The following PLXNA2 variants were observed in gnomAD, a reference collection of about 807,000 sequenced individuals.
The protein encoded by PLXNA2 is plexin-A2.
A neutral mutation model predicts 193.5 loss-of-function variants in PLXNA2; 91 were observed. The observed-to-expected ratio is 0.47, with a 90% CI of 0.40 to 0.56. The LOEUF (loss-of-function observed/expected upper bound fraction) is 0.56. Ranked by LOEUF, PLXNA2 falls within the 20% of genes least tolerant of loss-of-function variation. PLXNA2 has a pLI of 0.00. For missense variants in PLXNA2, 1,995 were observed against 2,503.2 expected (o/e 0.80, Z 4.33); for synonymous variants, 997 against 1,027.3 (o/e 0.97, Z 0.56).
At chr1:208,214,238 C>T (rs1038961694) in intron 2 of PLXNA2, among the ~76,000 whole-genome samples, 1 of 152,056 alleles carries the variant, frequency 6.6e-6, no homozygotes, top group Non-Finnish European at 1.5e-5. Flanking sequence ...ATAATCATAG[C>T]GGCCCATTTA....
chr1:208,220,518 C>T (rs1019309702), intron 1 of PLXNA2, among the ~76,000 whole-genome samples: 3 of 151,970 alleles, frequency 2.0e-5, no homozygotes, highest in South Asian at 2.1e-4. Flanking sequence ...TTGAGACCTC[C>T]GCCTCCCTGG....
intron 26 of PLXNA2, among the ~76,000 whole-genome samples, chr1:208,037,552 G>A (rs1664710384): frequency 6.6e-6 from 1 of 152,054 alleles, no homozygotes; most frequent in South Asian, 2.1e-4. Context: ...TCCTCTAGTT[G>A]GTTTAATTTC....
At chr1:208,137,529 G>A (rs564543184) in intron 4 of PLXNA2, among the ~76,000 whole-genome samples, 18 of 152,280 alleles carry the variant, frequency 1.2e-4, no homozygotes, top group African/African-American at 4.3e-4. Flanking sequence ...GGATATGGGA[G>A]CAACTTGTAT....
At chr1:208,133,264 A>G (rs942024877) in intron 4 of PLXNA2, among the ~76,000 whole-genome samples, 1 of 152,232 alleles carries the variant, frequency 6.6e-6, no homozygotes, top group Admixed American at 6.5e-5. Context: ...TCTCTTCTAC[A>G]GCATTGCTCT....
intron 12 of PLXNA2, among the ~76,000 whole-genome samples, chr1:208,071,296 G>T (rs1179358600): frequency 6.6e-6 from 1 of 152,210 alleles, no homozygotes; most frequent in Admixed American, 6.5e-5. Flanking sequence ...GGAGGGTTCT[G>T]CCCTGAGGAG....
At chr1:208,178,320 A>C (rs1669727371) in intron 3 of PLXNA2, among the ~76,000 whole-genome samples, 1 of 152,212 alleles carries the variant, frequency 6.6e-6, no homozygotes, top group Non-Finnish European at 1.5e-5. Flanking sequence ...GACAGTGTGC[A>C]CAGGGACATT....
rs1425610145 is a variant in PLXNA2 at position 208,028,917 on chromosome 1, G to A, written c.5351C>T (p.Thr1784Met). 1.1e-5 allele frequency: 17 copies of A among 1,614,050 alleles called. No individual in the cohort carries two copies. Among genetic ancestry groups the A allele is most frequent in the Admixed American group, 3.3e-5 (2 of 59,996 alleles). Residue 1784 changes from threonine (T) to methionine (M), a missense_variant, in exon 30 of 32, where the codon ACG (threonine) becomes ATG (methionine). By Grantham distance (81) the Thr-to-Met change is moderately conservative. Around this residue, in one of 3 missense-constraint regions of PLXNA2, gnomAD observed 1,291 missense variants for 1,673.6 expected, o/e 0.77. Coordinates refer to ENST00000367033, the MANE Select transcript of PLXNA2 (RefSeq NM_025179.4). This position sits in a 1 kb window ranked among gnomAD's most constrained non-coding sequence, Gnocchi z 4.2. ...VAQTFMDSCSTSEHRLGKDSP... is the reference protein window; with the variant it reads ...VAQTFMDSCSMSEHRLGKDSP... ...GTCCTTGCCCAGCCGGTGCTCTGAC[G>A]TTGAACAAGAGTCCATGAAGGTCTG...
chr1:208,052,251 G>T, intron 15 of PLXNA2, 76 bp downstream of exon 15: 2 of 1,458,118 alleles, frequency 1.4e-6, no homozygotes, highest in South Asian at 1.2e-5. Flanking sequence ...GCCTATGAAT[G>T]AACATGCACA....
intron 4 of PLXNA2, among the ~76,000 whole-genome samples, chr1:208,120,768 A>G (rs777409020): frequency 2.6e-5 from 4 of 152,204 alleles, no homozygotes; most frequent in South Asian, 4.1e-4. Context: ...ACTCAGAGAC[A>G]GAATGTTTTT....
chr1:208,190,003 G>A (rs1572014060), intron 3 of PLXNA2, among the ~76,000 whole-genome samples: 1 of 152,160 alleles, frequency 6.6e-6, no homozygotes, highest in African/African-American at 2.4e-5. Context: ...ATTTTGGGGT[G>A]GGGGAAGGAG....
chr1:208,031,837 G>A, intron 28 of PLXNA2, 78 bp from the exon 29 acceptor site: 1 of 1,338,856 alleles, frequency 7.5e-7, no homozygotes, highest in Non-Finnish European at 1.0e-6. Context: ...TGGTGCCTTG[G>A]ACCCATCCTG....
intron 4 of PLXNA2, among the ~76,000 whole-genome samples, chr1:208,119,351 G>A (rs1005039934): frequency 5.3e-5 from 8 of 152,164 alleles, no homozygotes; most frequent in African/African-American, 1.7e-4. Flanking sequence ...CAGACCCAGC[G>A]AAAGGTGTCC....
chr1:208,127,567 G>C (rs1668011562), intron 4 of PLXNA2, among the ~76,000 whole-genome samples: 1 of 152,218 alleles, frequency 6.6e-6, no homozygotes, highest in South Asian at 2.1e-4. Flanking sequence ...GCAGAGAAAT[G>C]CATGGCTGGT....
chr1:208,231,836 C>T (rs1671701561), intron 1 of PLXNA2, among the ~76,000 whole-genome samples: 2 of 152,198 alleles, frequency 1.3e-5, no homozygotes, highest in Non-Finnish European at 2.9e-5. Flanking sequence ...TTAAACATGT[C>T]ACTTGGCTTC....
At chr1:208,106,069 A>ATTTTTTTTTTTTTTT (rs5780430) in intron 4 of PLXNA2, among the ~76,000 whole-genome samples, 1 of 145,490 alleles carries the variant, frequency 6.9e-6, no homozygotes. Context: ...CCTCCTGGTG[A>ATTTTTTTTTTTTTTT]TTTTTTTTTT....
intron 13 of PLXNA2, 95 bp downstream of exon 13, chr1:208,060,591 T>C: frequency 7.9e-7 from 1 of 1,259,796 alleles, no homozygotes; most frequent in Non-Finnish European, 1.1e-6. Flanking sequence ...TAATGGGAGA[T>C]CAATCATGGA....
At position 208,027,174 on chromosome 1, in the gene PLXNA2, T is replaced by C. The variant is rs1664366088; in HGVS notation, c.*69A>G. 1 of 1,358,076 alleles carries C rather than the reference T, an allele frequency of 7.4e-7. No individual in the cohort carries two copies. Among genetic ancestry groups the C allele is most frequent in the African/African-American group, 1.4e-5 (1 of 70,130 alleles). 84.1% of individuals were successfully genotyped at this position (1,358,076 alleles called of 1,614,324 possible). On this transcript the variant is annotated 3_prime_UTR_variant, in exon 32 of 32. Transcript: ENST00000367033. ...GGGGCCTGATCCCCATCACTTGTCCTTCCATCTGAGACTCCCAGTGTGACA... is the reference window on the plus strand; with the variant it reads ...GGGGCCTGATCCCCATCACTTGTCCCTCCATCTGAGACTCCCAGTGTGACA...
chr1:208,127,703 A>C (rs1247456271), intron 4 of PLXNA2, among the ~76,000 whole-genome samples: 1 of 152,224 alleles, frequency 6.6e-6, no homozygotes, highest in African/African-American at 2.4e-5. Context: ...GGTAAAGCTC[A>C]AAAAGTTGGA....
intron 3 of PLXNA2, among the ~76,000 whole-genome samples, chr1:208,206,534 C>T (rs1572031302): frequency 6.6e-6 from 1 of 152,274 alleles, no homozygotes; most frequent in Non-Finnish European, 1.5e-5. Context: ...AGTGTGGCAC[C>T]CAAGGTCTAG....
Sources: gnomAD v4.1 joint callset for allele counts (sites outside exome capture counted in the v4.1 genomes callset) on GRCh38, gnomAD v4.1.1 for gene constraint, gnomAD v4.1.1 regional missense constraint, Gnocchi (gnomAD v3.1) non-coding constraint, MANE v1.5 for transcripts, NCBI Gene and HGNC (gene_info 2026-07-23, HGNC 2026-07-21) for gene names.